Variants in ZFP28 observed in about 807,000 individuals in gnomAD.
ZFP28 encodes zinc finger protein 28 homolog.
ZFP28 carries 31 observed loss-of-function variants against 39.5 expected under a neutral mutation model. That is an observed-to-expected ratio of 0.79 (90% confidence interval 0.59 to 1.06). The LOEUF (loss-of-function observed/expected upper bound fraction) is 1.06. ZFP28 is among the 50% of genes least tolerant of loss of function. The probability of loss-of-function intolerance (pLI) is 0.00; values close to 1 mark genes in which losing one functional copy is unlikely to be tolerated. For synonymous variants in ZFP28, 400 were observed against 378.6 expected (o/e 1.06, Z -0.66); for missense variants, 925 against 1,048.4 (o/e 0.88, Z 1.63).
rs990866853 is a variant in ZFP28, at chr19:56,555,542, T to C, written c.*150T>C. 1.8e-6 allele frequency: 2 copies of C among 1,133,090 alleles called. No individual in the cohort carries two copies. Among genetic ancestry groups the C allele is most frequent in the Non-Finnish European group, 2.5e-6 (2 of 807,972 alleles). 70.2% of individuals were successfully genotyped at this position (1,133,090 alleles called of 1,614,324 possible). A position where few individuals can be genotyped will look rare whatever the true frequency, so the allele number is the denominator to read the frequency against. ...CCTCTTGTAAAACTTATAGTTTCTTTAAATTGGTTAATGTGTGAGATGTGC... is the reference window on the plus strand; with the variant it reads ...CCTCTTGTAAAACTTATAGTTTCTTCAAATTGGTTAATGTGTGAGATGTGC... On this transcript the variant is annotated 3_prime_UTR_variant, in exon 8 of 8. Coordinates refer to ENST00000301318, the MANE Select transcript of ZFP28 (RefSeq NM_020828.2).
At chr19:56,539,780 T>C (rs1370664119) in intron 2 of ZFP28, 64 bp downstream of exon 2, 2 of 1,479,284 alleles carry the variant, frequency 1.4e-6, no homozygotes, top group African/African-American at 1.4e-5. Flanking sequence ...TTAATGTTGC[T>C]TATTTTCTTG....
At chr19:56,545,477 G>C (rs2044233726) in intron 2 of ZFP28, 1 of 152,192 alleles carries the variant, frequency 6.6e-6, no homozygotes. Flanking sequence ...TCTTTAAAAG[G>C]TTCAGCTCTT....
At chr19:56,541,798 C>T (rs1298953514) in intron 2 of ZFP28, among the ~76,000 whole-genome samples, 1 of 151,004 alleles carries the variant, frequency 6.6e-6, no homozygotes, top group Non-Finnish European at 1.5e-5. Flanking sequence ...GGCGTGATCT[C>T]GGCTCACTGC....
In ZFP28 at chr19:56,550,064, C is replaced by T. The variant is rs1186453418; in HGVS notation, c.688-3C>T. 2 of 1,607,722 alleles carry T rather than the reference C, an allele frequency of 1.2e-6. No individual in the cohort carries two copies. Among genetic ancestry groups the T allele is most frequent in the Non-Finnish European group, 1.7e-6 (2 of 1,177,108 alleles). On this transcript the variant is annotated splice_polypyrimidine_tract_variant and splice_region_variant and intron_variant, in intron 5 of 7. Coordinates refer to ENST00000301318, the MANE Select transcript of ZFP28 (RefSeq NM_020828.2). ...TTTAAAAAACGTGCTTTTACCATTG[C>T]AGGGCTTGGTGACTATCAAAAACCT...
intron 7 of ZFP28, chr19:56,552,095 A>G (rs2044309166): frequency 1.6e-6 from 1 of 613,886 alleles, no homozygotes; most frequent in Non-Finnish European, 2.0e-6. Context: ...TATTATATGA[A>G]TATATATAAT....
intron 2 of ZFP28, among the ~76,000 whole-genome samples, chr19:56,544,084 G>A (rs1303215952): frequency 6.6e-6 from 1 of 152,226 alleles, no homozygotes; most frequent in African/African-American, 2.4e-5. Context: ...GATGTGTATA[G>A]TGCCTGGATT....
chr19:56,550,391 C>G, intron 6 of ZFP28, 119 bp from the exon 7 acceptor site: 2 of 952,800 alleles, frequency 2.1e-6, no homozygotes, highest in Non-Finnish European at 3.2e-6. Context: ...CTTTCAGATC[C>G]TACTCACCTG....
intron 2 of ZFP28, among the ~76,000 whole-genome samples, chr19:56,543,209 C>T (rs1371161761): frequency 6.6e-6 from 1 of 151,240 alleles, no homozygotes; most frequent in Admixed American, 6.6e-5. Context: ...ACTTCATATT[C>T]ATTCTTTTCT....
In ZFP28 at chr19:56,554,824, A is replaced by G; in HGVS notation, c.2039A>G (p.Lys680Arg). ...EKPYECKECGKAFSQTTHLIQ... is the reference protein window; with the variant it reads ...EKPYECKECGRAFSQTTHLIQ... ...CCATATGAGTGCAAGGAATGCGGTA[A>G]AGCCTTCAGCCAGACCACACACCTC... Residue 680 changes from lysine to arginine, a missense_variant, in exon 8 of 8, where the codon AAA (lysine) becomes AGA (arginine). Physicochemically the swap from Lys to Arg is conservative, Grantham distance 26. Coordinates refer to ENST00000301318, the MANE Select transcript of ZFP28 (RefSeq NM_020828.2). This position sits in a 1 kb window ranked among gnomAD's most constrained non-coding sequence, Gnocchi z 6.7. 1 of 1,614,180 alleles carries G rather than the reference A, an allele frequency of 6.2e-7. No homozygotes were observed. Among genetic ancestry groups the G allele is most frequent in the Non-Finnish European group, 8.5e-7 (1 of 1,180,022 alleles).
At chr19:56,543,335 ATATAT>A (rs1210243649) in intron 2 of ZFP28, among the ~76,000 whole-genome samples, 2 of 147,162 alleles carry the variant, frequency 1.4e-5, no homozygotes, top group African/African-American at 4.9e-5. Flanking sequence ...ATTATATAGA[ATATAT>A]TATATATGTA....
At chr19:56,545,590 T>G (rs533649313) in intron 2 of ZFP28, 1 of 152,274 alleles carries the variant, frequency 6.6e-6, no homozygotes, top group South Asian at 2.1e-4. Flanking sequence ...AAAAGATTGT[T>G]TATTACTCAC....
intron 7 of ZFP28, 138 bp from the exon 8 acceptor site, chr19:56,553,546 T>C (rs926507106): frequency 3.5e-5 from 41 of 1,167,172 alleles, no homozygotes; most frequent in Non-Finnish European, 4.8e-5. Flanking sequence ...TGGCCCTAAA[T>C]GTAATAGTTT....
chr19:56,549,996 G>T, intron 5 of ZFP28, 71 bp from the exon 6 acceptor site: 1 of 1,294,644 alleles, frequency 7.7e-7, no homozygotes, highest in Non-Finnish European at 1.1e-6. Flanking sequence ...TGTGGACACA[G>T]TCCATCCCAC....
At chr19:56,549,233 CA>C in intron 5 of ZFP28, 112 bp downstream of exon 5, 1 of 1,276,778 alleles carries the variant, frequency 7.8e-7, no homozygotes, top group Non-Finnish European at 1.1e-6. Context: ...CATTTGAATA[CA>C]ATGCTTCTTA....
Position 56,539,219 on chromosome 19 carries a change from G to A in ZFP28, c.201G>A (p.Gly67=), listed in dbSNP as rs2044170596. 1 of 1,594,248 alleles carries A rather than the reference G, an allele frequency of 6.3e-7. No homozygotes were observed. The highest frequency in any genetic ancestry group is 8.5e-7 in the Non-Finnish European group (1 of 1,175,170). Residue 67 remains glycine, a synonymous_variant, in exon 1 of 8, where the codon GGG becomes GGA. Coordinates refer to ENST00000301318, the MANE Select transcript of ZFP28 (RefSeq NM_020828.2). ...GQRGAAPTGP[G]HRALPSRDTA... ...GAGGAGCGGCCCCTACGGGGCCTGG[G>A]CACAGAGGTGAGAGTGACAGGTGTT...
rs745506626 is a variant in ZFP28 at position 56,550,199 on chromosome 19, C to G, written c.802+18C>G. The G allele has an allele frequency of 1.3e-6, 2 of 1,592,232 alleles. No individual in the cohort carries two copies. Among genetic ancestry groups the G allele is most frequent in the East Asian group, 4.5e-5 (2 of 44,524 alleles). On this transcript the variant is annotated intron_variant, in intron 6 of 7. Coordinates refer to ENST00000301318, the MANE Select transcript of ZFP28 (RefSeq NM_020828.2). ...ATCAGCAGGTAAGGATGTCCCTCTC[C>G]CATATTTGAATCTATCGTCGGGTAC...
Position 56,550,493 on chromosome 19 carries a change from T to A in ZFP28, c.803-17T>A. 1 of 1,610,326 alleles carries A rather than the reference T, an allele frequency of 6.2e-7. No homozygotes were observed. The highest frequency in any genetic ancestry group is 8.5e-7 in the Non-Finnish European group (1 of 1,177,696). On this transcript the variant is annotated splice_polypyrimidine_tract_variant and intron_variant, in intron 6 of 7. Transcript: ENST00000301318. ...CCAAGACTATTGGCCAAACCTCATC[T>A]CTTTTCACTTTTTCAGGACATTGTG...
chr19:56,554,109 C>G lies in ZFP28; in HGVS notation c.1324C>G (p.His442Asp). ...ATCTCTTACTGTTCATCAGAGAATT[C>G]ACACTGGAGAGAAACCTTATAAATG... is the stretch of plus-strand genomic sequence containing the variant. Reference protein sequence around the residue: ...SSSLTVHQRIHTGEKPYKCNE... With the variant: ...SSSLTVHQRIDTGEKPYKCNE... Residue 442 changes from histidine (H) to aspartate (D), a missense_variant, in exon 8 of 8, where the codon CAC becomes GAC. Physicochemically the swap from His to Asp is moderately conservative, Grantham distance 81 (BLOSUM62 -1). Coordinates refer to ENST00000301318, the MANE Select transcript of ZFP28 (RefSeq NM_020828.2). This position sits in a 1 kb window ranked among gnomAD's most constrained non-coding sequence, Gnocchi z 6.7. 6.2e-7 allele frequency: 1 copy of G among 1,614,206 alleles called. No homozygotes were observed. Among genetic ancestry groups the G allele is most frequent in the East Asian group, 2.2e-5 (1 of 44,886 alleles).
rs756619329 is a variant in ZFP28, at chr19:56,554,923, ACT to A, written c.2140_2141del (p.Ser714IlefsTer16). 1.2e-6 allele frequency: 2 copies of A among 1,614,148 alleles called. No homozygotes were observed. The highest frequency in any genetic ancestry group is 3.3e-5 in the Admixed American group (2 of 60,024). On this transcript the variant is annotated frameshift_variant, in exon 8 of 8. Coordinates refer to ENST00000301318, the MANE Select transcript of ZFP28 (RefSeq NM_020828.2). LOFTEE classifies it low-confidence loss of function (END_TRUNC). This position sits in a 1 kb window ranked among gnomAD's most constrained non-coding sequence, Gnocchi z 6.7. ...GAATGTGGGAAGGCCTTTGGTGATA[ACT>A]CATCCTGTACTCAACATCAAAGACT...
Sources: allele counts gnomAD v4.1 joint callset (sites outside exome capture counted in the v4.1 genomes callset), GRCh38; gene constraint gnomAD v4.1.1; non-coding constraint Gnocchi (gnomAD v3.1); transcripts MANE v1.5; gene names NCBI Gene and HGNC (gene_info 2026-07-23, HGNC 2026-07-21).